The following YPEL2 variants were observed in gnomAD, a reference collection of about 807,000 sequenced individuals.
YPEL2 encodes protein yippee-like 2.
Under a neutral mutation model 19.1 loss-of-function variants are expected in YPEL2, and 2 were observed. The observed-to-expected ratio is 0.10, with a 90% CI of 0.04 to 0.33. The LOEUF (loss-of-function observed/expected upper bound fraction) is 0.33. Ranked by LOEUF, YPEL2 falls within the 10% of genes least tolerant of loss-of-function variation. YPEL2 has a pLI of 1.00. For synonymous variants in YPEL2, 52 were observed against 50.0 expected, an observed-to-expected ratio of 1.04 and a Z score of -0.17; for missense variants, 66 against 140.7, an observed-to-expected ratio of 0.47 and a Z score of 2.68.
At position 59,398,657 on chromosome 17, in the gene YPEL2, T is replaced by C. The variant is rs1003349576; in HGVS notation, c.*1467T>C. ...ACAGCAATTCAGCCATTACACAGTA[T>C]ATGACTGAAACTCATTTAACTGGGT... On this transcript the variant is annotated 3_prime_UTR_variant, in exon 5 of 5. Transcript: ENST00000312655. The C allele has an allele frequency of 1.3e-5, 2 of 152,212 alleles. No individual in the cohort carries two copies. The highest frequency in any genetic ancestry group is 1.9e-4 in the East Asian group (1 of 5,200). 9.4% of individuals were successfully genotyped at this position (152,212 alleles called of 1,614,324 possible).
chr17:59,380,527 C>A (rs779863758), intron 2 of YPEL2, among the ~76,000 whole-genome samples: 3 of 152,144 alleles, frequency 2.0e-5, no homozygotes, highest in Non-Finnish European at 2.9e-5. Flanking sequence ...TCCTTGGCCT[C>A]CCAAAGTGCT....
intron 4 of YPEL2, among the ~76,000 whole-genome samples, chr17:59,392,750 G>C (rs1365977979): frequency 6.6e-6 from 1 of 152,042 alleles, no homozygotes; most frequent in Non-Finnish European, 1.5e-5. Context: ...CTCACCTCGT[G>C]ATCTGCCCGC....
chr17:59,378,708 A>G (rs112748991), intron 2 of YPEL2, among the ~76,000 whole-genome samples: 187 of 152,296 alleles, frequency 1.2e-3, no homozygotes, highest in African/African-American at 3.0e-3. Context: ...TGTAGTTCCA[A>G]GCATCGTGAA....
chr17:59,352,421 G>A (rs1363427653), intron 1 of YPEL2, among the ~76,000 whole-genome samples: 1 of 152,206 alleles, frequency 6.6e-6, no homozygotes, highest in Non-Finnish European at 1.5e-5. Context: ...AGCTGAGGCT[G>A]TGGTAGGAAA....
At position 59,353,936 on chromosome 17, in the gene YPEL2, C is replaced by T; in HGVS notation, c.117+410C>T. ...GGGGTTCCTTAGCAAGATGAGAGAG[C>T]CACCAGGAAGTTGTGAGACTGTGGA... is the stretch of plus-strand genomic sequence containing the variant. On this transcript the variant is annotated intron_variant, in intron 2 of 4. Coordinates refer to ENST00000312655, the MANE Select transcript of YPEL2 (RefSeq NM_001005404.4). This position sits in a 1 kb window ranked among gnomAD's most constrained non-coding sequence, Gnocchi z 4.8. 2 of 291,268 alleles carry T rather than the reference C, an allele frequency of 6.9e-6. No individual in the cohort carries two copies. Among genetic ancestry groups the T allele is most frequent in the South Asian group, 6.5e-5 (2 of 30,958 alleles). The allele number at this position is 291,268 out of a possible 1,614,324, so 18.0% of individuals were successfully genotyped here.
intron 4 of YPEL2, among the ~76,000 whole-genome samples, chr17:59,396,059 C>CGACT: frequency 6.6e-6 from 1 of 152,022 alleles, no homozygotes. Flanking sequence ...CCAGCCTGGG[C>CGACT]GACTGAGCAA....
chr17:59,392,734 G>A (rs944768393), intron 4 of YPEL2, among the ~76,000 whole-genome samples: 8 of 151,716 alleles, frequency 5.3e-5, no homozygotes, highest in Admixed American at 3.3e-4. Context: ...GGCTGGTCTC[G>A]AACTCCTCAC....
chr17:59,380,327 A>C (rs953322467), intron 2 of YPEL2, among the ~76,000 whole-genome samples: 1 of 123,546 alleles, frequency 8.1e-6, no homozygotes, highest in African/African-American at 3.2e-5. Flanking sequence ...CCCAGGCCGG[A>C]GTGCAGTGGT....
chr17:59,390,757 C>T (rs898270278), intron 4 of YPEL2, among the ~76,000 whole-genome samples: 3 of 152,184 alleles, frequency 2.0e-5, no homozygotes, highest in African/African-American at 7.2e-5. Flanking sequence ...GGGGTCACCA[C>T]ATAACCATAG....
rs2048053388 is a variant in YPEL2, at chr17:59,398,555, T to C, written c.*1365T>C. ...TCCAAGCATCCTTCGATTAGGGAAGTGGAGAGCACATCCCTGTAAGGCCCA... is the reference window on the plus strand; with the variant it reads ...TCCAAGCATCCTTCGATTAGGGAAGCGGAGAGCACATCCCTGTAAGGCCCA... On this transcript the variant is annotated 3_prime_UTR_variant, in exon 5 of 5. Coordinates refer to ENST00000312655, the MANE Select transcript of YPEL2 (RefSeq NM_001005404.4). 6.6e-6 allele frequency: 1 copy of C among 152,118 alleles called. No homozygotes were observed. Among genetic ancestry groups the C allele is most frequent in the Non-Finnish European group, 1.5e-5 (1 of 68,042 alleles). 9.4% of individuals were successfully genotyped at this position (152,118 alleles called of 1,614,324 possible).
intron 4 of YPEL2, among the ~76,000 whole-genome samples, chr17:59,389,995 A>T (rs915471458): frequency 2.0e-5 from 3 of 151,960 alleles, no homozygotes; most frequent in African/African-American, 4.8e-5. Context: ...TATTAGGCAA[A>T]TTTATTTTAT....
chr17:59,363,488 A>G (rs1445777392), intron 2 of YPEL2, among the ~76,000 whole-genome samples: 8 of 151,690 alleles, frequency 5.3e-5, no homozygotes, highest in Non-Finnish European at 7.4e-5. Context: ...TTGTATTTTT[A>G]GTAAAGGTGT....
intron 1 of YPEL2, among the ~76,000 whole-genome samples, chr17:59,349,777 C>G (rs956913988): frequency 3.3e-5 from 5 of 152,162 alleles, no homozygotes; most frequent in South Asian, 4.1e-4. Context: ...TCTCCTGCCT[C>G]AGTCTCCTGA....
intron 1 of YPEL2, among the ~76,000 whole-genome samples, chr17:59,341,645 C>T (rs1015188335): frequency 4.5e-4 from 68 of 151,650 alleles, no homozygotes; most frequent in South Asian, 4.2e-4. Context: ...GCAACAAGTG[C>T]GAAACAACGT....
At chr17:59,339,390 T>G (rs1397287860) in intron 1 of YPEL2, among the ~76,000 whole-genome samples, 1 of 152,228 alleles carries the variant, frequency 6.6e-6, no homozygotes, top group Non-Finnish European at 1.5e-5. Context: ...AGTGCTTCAT[T>G]AGCAGAGAGG....
At chr17:59,348,864 T>C (rs566714054) in intron 1 of YPEL2, among the ~76,000 whole-genome samples, 1 of 152,104 alleles carries the variant, frequency 6.6e-6, no homozygotes, top group African/African-American at 2.4e-5. Flanking sequence ...TGAGTTAAGC[T>C]CCATACTCTT....
intron 2 of YPEL2, among the ~76,000 whole-genome samples, chr17:59,358,642 T>C (rs961040451): frequency 6.6e-6 from 1 of 152,082 alleles, no homozygotes; most frequent in Non-Finnish European, 1.5e-5. Flanking sequence ...GGGGTTTCAT[T>C]CTTGTTGTCC....
intron 4 of YPEL2, among the ~76,000 whole-genome samples, chr17:59,396,541 T>TA (rs2048040165): frequency 6.6e-6 from 1 of 152,206 alleles, no homozygotes; most frequent in Non-Finnish European, 1.5e-5. Flanking sequence ...TGCAAAGACT[T>TA]AAATGAGCGA....
rs539723497 is a variant in YPEL2, at chr17:59,393,526, A to T, written c.271-3575A>T. 5.4e-3 allele frequency among the ~76,000 whole-genome samples: 730 copies of T among 134,278 alleles called. 7 individuals carry two copies. Among genetic ancestry groups the T allele is most frequent in the African/African-American group, 0.019 (682 of 36,066 alleles). 88.1% of individuals were successfully genotyped at this position (134,278 alleles called of 152,430 possible). A position where few individuals can be genotyped will look rare whatever the true frequency, so the allele number is the denominator to read the frequency against. On this transcript the variant is annotated intron_variant, in intron 4 of 4. Transcript: ENST00000312655. ...ATTTTTTTATTTTATTTATTTATTTATTTTTTATTGATCATTCTTGGGTGT... is the reference window on the plus strand; with the variant it reads ...ATTTTTTTATTTTATTTATTTATTTTTTTTTTATTGATCATTCTTGGGTGT...
Sources: gnomAD v4.1 joint callset for allele counts (sites outside exome capture counted in the v4.1 genomes callset) on GRCh38, gnomAD v4.1.1 for gene constraint, Gnocchi (gnomAD v3.1) non-coding constraint, MANE v1.5 for transcripts, NCBI Gene and HGNC (gene_info 2026-07-23, HGNC 2026-07-21) for gene names.